MAML3: variants seen among roughly 807,000 people sequenced by gnomAD.
MAML3 encodes the protein mastermind like transcriptional coactivator 3.
Under a neutral mutation model 101.9 loss-of-function variants are expected in MAML3, and 27 were observed. The observed-to-expected ratio is 0.27, with a 90% CI of 0.20 to 0.37. The LOEUF is 0.37. Ranked by LOEUF, MAML3 falls within the 10% of genes least tolerant of loss-of-function variation. MAML3 has a pLI of 1.00. For missense variants in MAML3, 1,316 were observed against 1,444.9 expected (o/e 0.91, Z 1.45); for synonymous variants, 501 against 555.9 (o/e 0.90, Z 1.39).
intron 1 of MAML3, among the ~76,000 whole-genome samples, chr4:140,115,329 T>C (rs1006770589): frequency 1.3e-5 from 2 of 152,352 alleles, no homozygotes; most frequent in East Asian, 1.9e-4. Context: ...TTAACACAAA[T>C]GCTTTCACTC....
chr4:140,121,308 C>G (rs577984979), intron 1 of MAML3, among the ~76,000 whole-genome samples: 1 of 152,274 alleles, frequency 6.6e-6, no homozygotes, highest in East Asian at 1.9e-4. Flanking sequence ...CCTTATTTTC[C>G]AATAAATAAT....
In MAML3 at chr4:139,730,654, A is replaced by T; in HGVS notation, c.2093T>A (p.Val698Asp). 2 of 1,612,336 alleles carry T rather than the reference A, an allele frequency of 1.2e-6. No individual in the cohort carries two copies. The highest frequency in any genetic ancestry group is 1.7e-6 in the Non-Finnish European group (2 of 1,179,034). ...LPSHGQEQHP[V>D]GLPRTTGPMQ... ...GGGGCCTGTGGTTCGGGGAAGTCCA[A>T]CTGGATGCTGCTCCTGGGAAGACAA... The change falls in exon 3 of 5, where the codon GTT (valine) becomes GAT (aspartate). Residue 698 changes from valine to aspartate, a missense_variant. Physicochemically the swap from Val to Asp is radical, Grantham distance 152. Transcript: ENST00000509479.
At chr4:139,850,099 T>A (rs1019321099) in intron 2 of MAML3, among the ~76,000 whole-genome samples, 2 of 152,158 alleles carry the variant, frequency 1.3e-5, no homozygotes, top group Non-Finnish European at 2.9e-5. Context: ...ATTCAGTATA[T>A]TTCCCCCCCT....
At chr4:139,787,493 A>G (rs1730326241) in intron 2 of MAML3, among the ~76,000 whole-genome samples, 1 of 152,198 alleles carries the variant, frequency 6.6e-6, no homozygotes, top group South Asian at 2.1e-4. Flanking sequence ...GCAAGCTTAT[A>G]TAAATCCCAA....
chr4:140,083,065 G>A (rs924525402), intron 1 of MAML3, among the ~76,000 whole-genome samples: 1 of 152,182 alleles, frequency 6.6e-6, no homozygotes, highest in African/African-American at 2.4e-5. Context: ...TCTATGAATA[G>A]TTTCATGTTT....
intron 1 of MAML3, among the ~76,000 whole-genome samples, chr4:139,948,097 T>C (rs950258297): frequency 7.5e-6 from 1 of 133,366 alleles, no homozygotes; most frequent in African/African-American, 2.7e-5. Flanking sequence ...CGAGACTCCA[T>C]CTCAAAATAA....
At chr4:140,087,278 A>G (rs1359443822) in intron 1 of MAML3, among the ~76,000 whole-genome samples, 1 of 152,238 alleles carries the variant, frequency 6.6e-6, no homozygotes, top group Non-Finnish European at 1.5e-5. Context: ...GGTCCATGCT[A>G]TCTTATATAT....
intron 2 of MAML3, among the ~76,000 whole-genome samples, chr4:139,835,771 AAAG>A (rs772472049): frequency 5.3e-5 from 8 of 152,188 alleles, no homozygotes; most frequent in Non-Finnish European, 8.8e-5. Context: ...TAACTTTTCC[AAAG>A]AAGGCCTTAA....
chr4:140,037,821 G>C (rs1247468173), intron 1 of MAML3, among the ~76,000 whole-genome samples: 1 of 152,164 alleles, frequency 6.6e-6, no homozygotes, highest in Non-Finnish European at 1.5e-5. Context: ...CTCTCAGCAG[G>C]CACCCTGATT....
At chr4:140,020,962 G>C (rs1443928177) in intron 1 of MAML3, among the ~76,000 whole-genome samples, 2 of 152,202 alleles carry the variant, frequency 1.3e-5, no homozygotes, top group African/African-American at 4.8e-5. Flanking sequence ...AAAACTGCCA[G>C]TGAAACAAAC....
intron 3 of MAML3, 133 bp from the exon 4 acceptor site, chr4:139,725,968 C>T (rs1011599961): frequency 1.6e-5 from 11 of 698,254 alleles, no homozygotes; most frequent in Admixed American, 4.5e-5. Context: ...CATATGCATA[C>T]AGGCAAGTGC....
intron 1 of MAML3, among the ~76,000 whole-genome samples, chr4:140,041,356 G>A (rs969842619): frequency 6.6e-6 from 1 of 152,148 alleles, no homozygotes; most frequent in Non-Finnish European, 1.5e-5. Flanking sequence ...GGGCATGGTG[G>A]CTCACCTCTG....
At chr4:140,137,001 G>T (rs1303581812) in intron 1 of MAML3, among the ~76,000 whole-genome samples, 2 of 152,056 alleles carry the variant, frequency 1.3e-5, no homozygotes, top group Admixed American at 6.5e-5. Context: ...TTTTGTTTTT[G>T]TTTTTGAGAC....
At chr4:139,991,306 A>T (rs1339026156) in intron 1 of MAML3, among the ~76,000 whole-genome samples, 2 of 152,222 alleles carry the variant, frequency 1.3e-5, no homozygotes, top group Non-Finnish European at 2.9e-5. Flanking sequence ...TGGGGAAAGG[A>T]TTCCCTATTT....
chr4:140,003,328 C>T (rs1726362440), intron 1 of MAML3, among the ~76,000 whole-genome samples: 1 of 152,062 alleles, frequency 6.6e-6, no homozygotes, highest in African/African-American at 2.4e-5. Context: ...AGCTCTCGGA[C>T]AAAGTTCCAG....
chr4:139,976,109 T>C (rs748613589), intron 1 of MAML3, among the ~76,000 whole-genome samples: 1 of 152,218 alleles, frequency 6.6e-6, no homozygotes, highest in Admixed American at 6.5e-5. Context: ...AAGTGGGAAA[T>C]GTGTAACGTG....
At chr4:140,025,011 G>A (rs921355384) in intron 1 of MAML3, among the ~76,000 whole-genome samples, 8 of 152,184 alleles carry the variant, frequency 5.3e-5, no homozygotes, top group Non-Finnish European at 1.2e-4. Context: ...CGATGGCTAT[G>A]TTTCCAAATT....
chr4:139,841,465 C>T (rs1008280320), intron 2 of MAML3, among the ~76,000 whole-genome samples: 1 of 152,206 alleles, frequency 6.6e-6, no homozygotes, highest in Non-Finnish European at 1.5e-5. Flanking sequence ...GATGCAAGCG[C>T]CTTGCCTTGC....
intron 1 of MAML3, among the ~76,000 whole-genome samples, chr4:140,049,139 C>T (rs1560877234): frequency 6.6e-6 from 1 of 152,176 alleles, no homozygotes; most frequent in African/African-American, 2.4e-5. Context: ...GAAGCTACCA[C>T]TCCTTTTCTT....
Sources: gnomAD v4.1 joint callset for allele counts (sites outside exome capture counted in the v4.1 genomes callset) on GRCh38, gnomAD v4.1.1 for gene constraint, MANE v1.5 for transcripts, NCBI Gene and HGNC (gene_info 2026-07-23, HGNC 2026-07-21) for gene names.